Variants in DLC1 observed in about 807,000 individuals in gnomAD.
The protein encoded by DLC1 is DLC1 Rho GTPase activating protein, also known as rho GTPase-activating protein 7.
In DLC1, 54 loss-of-function variants were observed where a neutral mutation model predicts 140.3. The observed-to-expected ratio is 0.38, with a 90% CI of 0.31 to 0.48. DLC1 has a LOEUF of 0.48. DLC1 is among the 20% of genes least tolerant of loss of function. DLC1 has a pLI of 0.96. For synonymous variants in DLC1, 986 were observed against 728.1 expected, an observed-to-expected ratio of 1.35 and a Z score of -5.70; for missense variants, 2,536 against 1,907.0, an observed-to-expected ratio of 1.33 and a Z score of -6.14.
At chr8:13,472,266 A>C (rs1397628785) in intron 2 of DLC1, among the ~76,000 whole-genome samples, 1 of 152,222 alleles carries the variant, frequency 6.6e-6, no homozygotes, top group East Asian at 1.9e-4. Flanking sequence ...TGCTGTTCTC[A>C]GTACAGATTT....
intron 4 of DLC1, among the ~76,000 whole-genome samples, chr8:13,387,152 A>G (rs1485865169): frequency 1.3e-5 from 2 of 151,958 alleles, no homozygotes; most frequent in African/African-American, 2.4e-5. Context: ...TTTCCTCAGG[A>G]TATGAAAGCT....
intron 4 of DLC1, among the ~76,000 whole-genome samples, chr8:13,326,810 C>T (rs141749474): frequency 3.3e-5 from 5 of 152,256 alleles, no homozygotes; most frequent in South Asian, 2.1e-4. Context: ...AGCACTGCTC[C>T]GGCTCTAGGA....
chr8:13,366,112 T>C (rs1363849370), intron 4 of DLC1, among the ~76,000 whole-genome samples: 1 of 152,176 alleles, frequency 6.6e-6, no homozygotes, highest in East Asian at 1.9e-4. Context: ...AATTATAGAC[T>C]CGAAGAGAAG....
chr8:13,592,032 G>T (rs112945207), intron 1 of DLC1, among the ~76,000 whole-genome samples: 2 of 151,976 alleles, frequency 1.3e-5, no homozygotes. Context: ...ATGATTAAAG[G>T]CTTGGAACTG....
intron 5 of DLC1, among the ~76,000 whole-genome samples, chr8:13,215,931 G>T (rs1045819774): frequency 1.3e-5 from 2 of 152,088 alleles, no homozygotes; most frequent in African/African-American, 4.8e-5. Context: ...GTGGCTGCTC[G>T]AATCCATTTA....
chr8:13,128,453 G>A (rs1171650098), intron 5 of DLC1, among the ~76,000 whole-genome samples: 1 of 152,070 alleles, frequency 6.6e-6, no homozygotes, highest in African/African-American at 2.4e-5. Flanking sequence ...ACGCACACAA[G>A]CCTCCCAGGA....
chr8:13,523,205 A>G (rs1029671722), intron 1 of DLC1, among the ~76,000 whole-genome samples: 2 of 152,214 alleles, frequency 1.3e-5, no homozygotes, highest in Non-Finnish European at 2.9e-5. Flanking sequence ...CAGGTGAGAG[A>G]TGATGGATAG....
chr8:13,340,970 A>G (rs1834016633), intron 4 of DLC1: 1 of 152,230 alleles, frequency 6.6e-6, no homozygotes, highest in Non-Finnish European at 1.5e-5. Context: ...CACCCATGTC[A>G]TGGTGCTGAC....
At chr8:13,400,030 A>G (rs994853761) in intron 3 of DLC1, among the ~76,000 whole-genome samples, 28 of 152,186 alleles carry the variant, frequency 1.8e-4, no homozygotes, top group Admixed American at 3.3e-4. Flanking sequence ...CCACTACACA[A>G]TTATCAGAAG....
chr8:13,571,567 G>A (rs1312489244), intron 1 of DLC1, among the ~76,000 whole-genome samples: 1 of 152,186 alleles, frequency 6.6e-6, no homozygotes, highest in East Asian at 1.9e-4. Flanking sequence ...GTAGGTATAT[G>A]TAACATGTAC....
intron 5 of DLC1, among the ~76,000 whole-genome samples, chr8:13,251,257 A>G (rs1290826729): frequency 6.6e-6 from 1 of 152,124 alleles, no homozygotes; most frequent in Non-Finnish European, 1.5e-5. Flanking sequence ...ATTATCTCCT[A>G]ACACAGTAAC....
At chr8:13,516,735 C>A (rs1322450575), upstream of DLC1, among the ~76,000 whole-genome samples, 1 of 152,134 alleles carries the variant, frequency 6.6e-6, no homozygotes, top group African/African-American at 2.4e-5. Context: ...TCCATAAATT[C>A]TTTAAAAAGT....
chr8:13,259,857 A>G (rs1412060595), intron 5 of DLC1, among the ~76,000 whole-genome samples: 2 of 152,198 alleles, frequency 1.3e-5, no homozygotes, highest in Admixed American at 6.5e-5. Context: ...TAAAATATGA[A>G]ATAGCAGCCA....
intron 1 of DLC1, among the ~76,000 whole-genome samples, chr8:13,582,060 A>G (rs1805119992): frequency 6.6e-6 from 1 of 152,142 alleles, no homozygotes; most frequent in East Asian, 1.9e-4. Flanking sequence ...TGGAGAAAAA[A>G]CAAAGTCCAC....
rs558559612 is a variant in DLC1 at position 13,453,491 on chromosome 8, C to CAT, written c.1023+45556_1023+45557dup. ...ATATACATATATATGTATATATATA[C>CAT]ATATATATATGTATATATATATACA... On this transcript the variant is annotated intron_variant, in intron 2 of 17. Coordinates refer to ENST00000276297, the MANE Select transcript of DLC1 (RefSeq NM_182643.3). Among the ~76,000 whole-genome samples, 13 of 17,958 alleles carry CAT rather than the reference C, an allele frequency of 7.2e-4. 2 individuals carry two copies. The highest frequency in any genetic ancestry group is 2.6e-3 in the Admixed American group (3 of 1,176). The allele number at this position is 17,958 out of a possible 152,430, so 11.8% of individuals were successfully genotyped here.
At chr8:13,464,268 C>T (rs1240821856) in intron 2 of DLC1, among the ~76,000 whole-genome samples, 3 of 152,142 alleles carry the variant, frequency 2.0e-5, no homozygotes, top group South Asian at 2.1e-4. Flanking sequence ...ACAAAAGCAA[C>T]AGTAGCTACT....
chr8:13,491,478 C>T (rs531618544), intron 2 of DLC1, among the ~76,000 whole-genome samples: 17 of 152,236 alleles, frequency 1.1e-4, no homozygotes, highest in African/African-American at 3.6e-4. Context: ...TGTTATAGAA[C>T]ATACATAAAA....
At chr8:13,245,462 A>G (rs1040028975) in intron 5 of DLC1, among the ~76,000 whole-genome samples, 2 of 152,124 alleles carry the variant, frequency 1.3e-5, no homozygotes, top group Admixed American at 6.5e-5. Context: ...GCAATAGTAA[A>G]ACAATGCACA....
chr8:13,305,228 A>C (rs1832372484), intron 5 of DLC1, 41 bp downstream of exon 5: 2 of 1,606,912 alleles, frequency 1.2e-6, no homozygotes, highest in Non-Finnish European at 1.7e-6. Flanking sequence ...ATTTATTCTA[A>C]AATAGATTGG....
Sources: allele counts gnomAD v4.1 joint callset (sites outside exome capture counted in the v4.1 genomes callset), GRCh38; gene constraint gnomAD v4.1.1; transcripts MANE v1.5; gene names NCBI Gene and HGNC (gene_info 2026-07-23, HGNC 2026-07-21).